Variants in ARHGAP15 observed in about 807,000 individuals in gnomAD.
The protein encoded by ARHGAP15 is rho GTPase-activating protein 15.
A neutral mutation model predicts 63.7 loss-of-function variants in ARHGAP15; 51 were observed. The ratio of observed to expected loss-of-function variants is 0.80; its 90% CI spans 0.64 to 1.01. ARHGAP15 has a LOEUF of 1.01. ARHGAP15 is among the 50% of genes least tolerant of loss of function. ARHGAP15 has a pLI of 0.00. For missense variants in ARHGAP15, 560 were observed against 564.6 expected, an observed-to-expected ratio of 0.99 and a Z score of 0.08; for synonymous variants, 191 against 193.8, an observed-to-expected ratio of 0.99 and a Z score of 0.12.
intron 2 of ARHGAP15, among the ~76,000 whole-genome samples, chr2:143,188,213 A>AG (rs1409569178): frequency 6.6e-6 from 1 of 152,080 alleles, no homozygotes; most frequent in African/African-American, 2.4e-5. Flanking sequence ...GTTTCATCAT[A>AG]GTTTTTCACA....
chr2:143,468,086 T>C (rs1691321239), intron 8 of ARHGAP15, among the ~76,000 whole-genome samples: 1 of 152,148 alleles, frequency 6.6e-6, no homozygotes, highest in Admixed American at 6.5e-5. Context: ...CCTTGTTTGA[T>C]TGTGTATTAC....
intron 6 of ARHGAP15, among the ~76,000 whole-genome samples, chr2:143,281,543 T>C (rs1681850265): frequency 6.6e-6 from 1 of 152,146 alleles, no homozygotes; most frequent in Admixed American, 6.6e-5. Context: ...ATACAAGAGA[T>C]ACTTCAAATG....
chr2:143,218,185 C>G (rs1272179915), intron 4 of ARHGAP15, among the ~76,000 whole-genome samples: 2 of 150,902 alleles, frequency 1.3e-5, no homozygotes, highest in Non-Finnish European at 3.0e-5. Flanking sequence ...TTAATATAAA[C>G]ATTTGTTTGT....
At chr2:143,647,842 A>G (rs912317444) in intron 12 of ARHGAP15, among the ~76,000 whole-genome samples, 38 of 152,102 alleles carry the variant, frequency 2.5e-4, no homozygotes, top group African/African-American at 8.9e-4. Flanking sequence ...AAAATGTCCC[A>G]GTGTGAGAAA....
intron 6 of ARHGAP15, among the ~76,000 whole-genome samples, chr2:143,266,062 G>A (rs1267464192): frequency 1.3e-5 from 2 of 151,978 alleles, no homozygotes; most frequent in African/African-American, 2.4e-5. Flanking sequence ...TTTCGAAACT[G>A]TGTGTTCAGT....
At chr2:143,211,839 A>G (rs1259739152) in intron 3 of ARHGAP15, among the ~76,000 whole-genome samples, 2 of 152,160 alleles carry the variant, frequency 1.3e-5, no homozygotes, top group Admixed American at 1.3e-4. Flanking sequence ...TTCTACATCA[A>G]AGAACCTAGG....
chr2:143,703,331 CAAAATTTTCTCAAG>C (rs1422991105), intron 12 of ARHGAP15, 74 bp from the exon 13 acceptor site: 7 of 1,026,030 alleles, frequency 6.8e-6, no homozygotes, highest in African/African-American at 3.3e-5. Flanking sequence ...AGTCTCAGTC[CAAAATTTTCTCAAG>C]AAAATTTTCT....
intron 5 of ARHGAP15, among the ~76,000 whole-genome samples, chr2:143,241,413 A>G (rs902785948): frequency 2.0e-5 from 3 of 152,244 alleles, no homozygotes; most frequent in Non-Finnish European, 4.4e-5. Context: ...AATGTGCCTC[A>G]CACAGAGCAA....
chr2:143,413,964 T>TGTGTGC (rs1553476627), intron 6 of ARHGAP15, among the ~76,000 whole-genome samples: 1 of 67,028 alleles, frequency 1.5e-5, no homozygotes, highest in Admixed American at 1.9e-4. Context: ...TGTGTGTGTG[T>TGTGTGC]GTGCGCGCTC....
chr2:143,448,149 C>T (rs144230121), intron 8 of ARHGAP15, among the ~76,000 whole-genome samples: 102 of 152,154 alleles, frequency 6.7e-4, no homozygotes, highest in Middle Eastern at 6.8e-3. Context: ...AGGAAAGAAC[C>T]ATAGAGCATA....
At chr2:143,453,351 C>T (rs1251552039) in intron 8 of ARHGAP15, among the ~76,000 whole-genome samples, 1 of 151,980 alleles carries the variant, frequency 6.6e-6, no homozygotes, top group South Asian at 2.1e-4. Flanking sequence ...CTTAACCTCA[C>T]TAAGCTACTG....
intron 2 of ARHGAP15, among the ~76,000 whole-genome samples, chr2:143,194,794 G>A (rs1341643152): frequency 2.6e-5 from 4 of 152,200 alleles, no homozygotes; most frequent in African/African-American, 9.6e-5. Context: ...AAGAAAATGT[G>A]TGTATTATCT....
intron 6 of ARHGAP15, among the ~76,000 whole-genome samples, chr2:143,315,595 A>C (rs1195054610): frequency 6.6e-6 from 1 of 152,152 alleles, no homozygotes; most frequent in Non-Finnish European, 1.5e-5. Flanking sequence ...GATGGGAGAA[A>C]ATGCTATCAT....
intron 6 of ARHGAP15, among the ~76,000 whole-genome samples, chr2:143,396,084 A>G (rs1385268258): frequency 1.3e-5 from 2 of 152,250 alleles, no homozygotes; most frequent in East Asian, 3.9e-4. Context: ...ACTACACCCT[A>G]GACACTGTCA....
chr2:143,459,377 C>G (rs908943476), intron 8 of ARHGAP15, among the ~76,000 whole-genome samples: 1 of 151,988 alleles, frequency 6.6e-6, no homozygotes, highest in African/African-American at 2.4e-5. Flanking sequence ...GTTTCCCATC[C>G]TTCTCAGTAA....
intron 8 of ARHGAP15, among the ~76,000 whole-genome samples, chr2:143,446,144 A>C (rs1690127913): frequency 6.7e-6 from 1 of 148,548 alleles, no homozygotes; most frequent in South Asian, 2.1e-4. Flanking sequence ...TAAATATAAT[A>C]TATATTTTAT....
chr2:143,741,207 A>G (rs556336569), intron 13 of ARHGAP15: 20 of 152,368 alleles, frequency 1.3e-4, no homozygotes, highest in East Asian at 9.6e-4. Flanking sequence ...GACTAATTAG[A>G]TGGCTTTTGT....
chr2:143,753,365 C>T (rs1686454332), intron 13 of ARHGAP15, among the ~76,000 whole-genome samples: 1 of 152,078 alleles, frequency 6.6e-6, no homozygotes, highest in Non-Finnish European at 1.5e-5. Flanking sequence ...TACGAATGGC[C>T]CCTTAACAGA....
chr2:143,203,371 C>T (rs1035799923), intron 3 of ARHGAP15, among the ~76,000 whole-genome samples: 2 of 152,084 alleles, frequency 1.3e-5, no homozygotes, highest in African/African-American at 4.8e-5. Flanking sequence ...TCTGTTTAGG[C>T]TTTTATCTCA....
Sources: allele counts gnomAD v4.1 joint callset (sites outside exome capture counted in the v4.1 genomes callset), GRCh38; gene constraint gnomAD v4.1.1; transcripts MANE v1.5; gene names NCBI Gene and HGNC (gene_info 2026-07-23, HGNC 2026-07-21).